The following ARHGAP10 variants were observed in gnomAD, a reference collection of about 807,000 sequenced individuals.
ARHGAP10 encodes the protein rho GTPase-activating protein 10.
Under a neutral mutation model 108.6 loss-of-function variants are expected in ARHGAP10, and 87 were observed. That is an observed-to-expected ratio of 0.80 (90% CI 0.67 to 0.96). The LOEUF (loss-of-function observed/expected upper bound fraction) is 0.96, where lower values mean the gene tolerates loss of function less well. Among genes scored for constraint, ARHGAP10 ranks in the 40% least tolerant of loss-of-function variants. The probability of loss-of-function intolerance (pLI) is 0.00; values close to 1 mark genes in which losing one functional copy is unlikely to be tolerated. For missense variants in ARHGAP10, 939 were observed against 954.5 expected (o/e 0.98, Z 0.21); for synonymous variants, 347 against 341.1 (o/e 1.02, Z -0.19).
At chr4:147,889,181 G>A (rs767215819) in intron 10 of ARHGAP10, among the ~76,000 whole-genome samples, 2 of 152,142 alleles carry the variant, frequency 1.3e-5, no homozygotes, top group Admixed American at 1.3e-4. Flanking sequence ...GCACCACACC[G>A]CTATACTGTG....
intron 1 of ARHGAP10, among the ~76,000 whole-genome samples, chr4:147,768,023 CAT>C (rs1162679053): frequency 2.6e-5 from 4 of 152,304 alleles, no homozygotes; most frequent in South Asian, 2.1e-4. Context: ...AGGCATGAAA[CAT>C]ATATTTGTTA....
intron 18 of ARHGAP10, among the ~76,000 whole-genome samples, chr4:148,013,661 C>T (rs1741246992): frequency 6.6e-6 from 1 of 152,108 alleles, no homozygotes; most frequent in South Asian, 2.1e-4. Context: ...GCACTTCAAC[C>T]TGGGTGACAG....
At chr4:147,789,098 C>T (rs183469735) in intron 1 of ARHGAP10, among the ~76,000 whole-genome samples, 1 of 152,200 alleles carries the variant, frequency 6.6e-6, no homozygotes, top group African/African-American at 2.4e-5. Flanking sequence ...GCGTCTCCCA[C>T]TGTCTTTGGG....
At chr4:147,767,823 G>A (rs1729897200) in intron 1 of ARHGAP10, among the ~76,000 whole-genome samples, 1 of 152,200 alleles carries the variant, frequency 6.6e-6, no homozygotes, top group African/African-American at 2.4e-5. Flanking sequence ...AAATAATTGT[G>A]ATGGCAGTGG....
At chr4:147,793,297 AAC>A (rs1252758651) in intron 1 of ARHGAP10, among the ~76,000 whole-genome samples, 1 of 144,896 alleles carries the variant, frequency 6.9e-6, no homozygotes, top group South Asian at 2.2e-4. Context: ...GGTAAAATAT[AAC>A]ACACACATAT....
intron 13 of ARHGAP10, among the ~76,000 whole-genome samples, chr4:147,931,630 A>C (rs1450982097): frequency 6.6e-6 from 1 of 152,146 alleles, no homozygotes; most frequent in African/African-American, 2.4e-5. Flanking sequence ...CTTTCCAGGC[A>C]ATACCTCTGT....
At chr4:148,068,451 A>G (rs1424692170) in intron 22 of ARHGAP10, among the ~76,000 whole-genome samples, 2 of 152,220 alleles carry the variant, frequency 1.3e-5, no homozygotes, top group Non-Finnish European at 2.9e-5. Context: ...CCCACAGCCC[A>G]GCGATGTGGT....
chr4:147,873,867 C>T (rs1734948957), intron 7 of ARHGAP10, among the ~76,000 whole-genome samples: 1 of 142,662 alleles, frequency 7.0e-6, no homozygotes, highest in African/African-American at 2.9e-5. Flanking sequence ...AGAGTGAGAC[C>T]CTGTCTTTAA....
intron 1 of ARHGAP10, among the ~76,000 whole-genome samples, chr4:147,798,552 G>A (rs1327113730): frequency 6.6e-6 from 1 of 151,492 alleles, no homozygotes; most frequent in African/African-American, 2.4e-5. Context: ...AGCCTAGGTG[G>A]GTGGATCACT....
chr4:147,806,998 G>GCCTAATTCATATGTCAAATTAAA (rs1169831846), intron 1 of ARHGAP10, among the ~76,000 whole-genome samples: 5 of 152,178 alleles, frequency 3.3e-5, no homozygotes, highest in Non-Finnish European at 2.9e-5. Context: ...AGGATGCTAC[G>GCCTAATTCATATGTCAAATTAAA]CCTAATTCAT....
In ARHGAP10 at chr4:147,940,192, C is replaced by A. The variant is rs1333190699; in HGVS notation, c.1303+293C>A. On this transcript the variant is annotated intron_variant, in intron 14 of 22. Transcript: ENST00000336498. ...GTGGCAGTCAGGCCTCTATGATTTGCGTGGCTTCCAAATAGCCTGTCCAGA... is the reference window on the plus strand; with the variant it reads ...GTGGCAGTCAGGCCTCTATGATTTGAGTGGCTTCCAAATAGCCTGTCCAGA... Among the ~76,000 whole-genome samples the A allele has an allele frequency of 2.6e-5, 4 of 152,308 alleles. No homozygotes were observed. In the South Asian group the frequency reaches 8.3e-4, roughly 32 times the overall value.
intron 20 of ARHGAP10, among the ~76,000 whole-genome samples, chr4:148,048,066 A>G (rs907672588): frequency 3.9e-5 from 6 of 152,222 alleles, no homozygotes; most frequent in African/African-American, 1.4e-4. Flanking sequence ...CAAGTGATCC[A>G]CCCGCCTTGG....
intron 18 of ARHGAP10, among the ~76,000 whole-genome samples, chr4:148,015,893 C>T (rs1257852034): frequency 2.0e-5 from 3 of 152,188 alleles, no homozygotes; most frequent in Non-Finnish European, 4.4e-5. Context: ...TAGCTGTCTT[C>T]TGGAAGTACC....
intron 18 of ARHGAP10, among the ~76,000 whole-genome samples, chr4:148,022,057 A>G (rs928289724): frequency 6.6e-6 from 1 of 152,220 alleles, no homozygotes; most frequent in African/African-American, 2.4e-5. Flanking sequence ...AGCAATACAC[A>G]TATGTAAGTG....
intron 13 of ARHGAP10, among the ~76,000 whole-genome samples, chr4:147,934,468 T>G (rs1258153698): frequency 6.6e-6 from 1 of 152,236 alleles, no homozygotes; most frequent in Non-Finnish European, 1.5e-5. Flanking sequence ...TGTGCCACCA[T>G]CTTGGTGATG....
chr4:148,034,886 G>T (rs1434811139), intron 19 of ARHGAP10, among the ~76,000 whole-genome samples: 1 of 152,076 alleles, frequency 6.6e-6, no homozygotes, highest in African/African-American at 2.4e-5. Context: ...GTTTATATGG[G>T]CAAAAATTTT....
At chr4:147,833,053 G>A (rs564421741) in intron 3 of ARHGAP10, among the ~76,000 whole-genome samples, 18 of 152,186 alleles carry the variant, frequency 1.2e-4, no homozygotes, top group Non-Finnish European at 2.2e-4. Flanking sequence ...GTGGGTGCCT[G>A]CCATCATCTT....
intron 12 of ARHGAP10, among the ~76,000 whole-genome samples, chr4:147,910,483 C>A: frequency 6.6e-6 from 1 of 152,228 alleles, no homozygotes; most frequent in South Asian, 2.1e-4. Context: ...CTGTTTATAT[C>A]GAGGCCCTGT....
chr4:147,909,696 A>G (rs765278442), intron 11 of ARHGAP10, 36 bp from the exon 12 acceptor site: 2 of 1,572,334 alleles, frequency 1.3e-6, no homozygotes, highest in Non-Finnish European at 1.7e-6. Flanking sequence ...TGCTGATTTG[A>G]TTAAAAAATT....
Sources: allele counts gnomAD v4.1 joint callset (sites outside exome capture counted in the v4.1 genomes callset), GRCh38; gene constraint gnomAD v4.1.1; transcripts MANE v1.5; gene names NCBI Gene and HGNC (gene_info 2026-07-23, HGNC 2026-07-21).